LGR6: variants seen among roughly 807,000 people sequenced by gnomAD.
LGR6 encodes the protein leucine-rich repeat-containing G protein-coupled receptor 6.
LGR6 carries 45 observed loss-of-function variants against 69.4 expected under a neutral mutation model. That is an observed-to-expected ratio of 0.65 (90% confidence interval 0.51 to 0.83). The LOEUF (loss-of-function observed/expected upper bound fraction) is 0.83. LGR6 is among the 40% of genes least tolerant of loss of function. LGR6 has a pLI of 0.00. For missense variants in LGR6, 1,108 were observed against 1,246.7 expected, an observed-to-expected ratio of 0.89 and a Z score of 1.68; for synonymous variants, 538 against 555.0, an observed-to-expected ratio of 0.97 and a Z score of 0.43.
intron 4 of LGR6, among the ~76,000 whole-genome samples, chr1:202,261,231 C>A (rs1571915372): frequency 1.7e-5 from 2 of 117,224 alleles, no homozygotes; most frequent in Admixed American, 9.5e-5. Context: ...TAACTCTCCC[C>A]CCTCCCCCCA....
At chr1:202,267,953 G>T (rs1382877064) in intron 4 of LGR6, among the ~76,000 whole-genome samples, 2 of 152,172 alleles carry the variant, frequency 1.3e-5, no homozygotes, top group African/African-American at 2.4e-5. Flanking sequence ...GTGAGGGAGG[G>T]ATGTGGGGGC....
rs560808636 is a variant in LGR6, at chr1:202,239,072, T to A, written c.428+3079T>A. ...AAACAGGGGGCGTCTCGGTCTGACG[T>A]AACTGCTACGCGGTACCCGGATGGC... On this transcript the variant is annotated intron_variant, in intron 4 of 17. Transcript: ENST00000367278. Among the ~76,000 whole-genome samples, 354 of 152,256 alleles carry A rather than the reference T, an allele frequency of 2.3e-3. 3 individuals carry two copies. Among genetic ancestry groups the A allele is most frequent in the African/African-American group, 8.2e-3 (341 of 41,540 alleles).
rs149820561 is a variant in LGR6 at position 202,311,286 on chromosome 1, C to T, written c.1567+929C>T. On this transcript the variant is annotated intron_variant, in intron 16 of 17. Coordinates refer to ENST00000367278, the MANE Select transcript of LGR6 (RefSeq NM_001017403.2). ...CGTAGACAAAACTGAGGTCCAATCC[C>T]AACTACAACATTCACCAGTTGGATT... Among the ~76,000 whole-genome samples the T allele has an allele frequency of 8.9e-3, 1,361 of 152,322 alleles. 9 individuals are homozygous for T. Among genetic ancestry groups the T allele is most frequent in the Middle Eastern group, 0.044 (13 of 294 alleles).
chr1:202,273,684 G>A (rs1665303211), intron 4 of LGR6, among the ~76,000 whole-genome samples: 1 of 151,626 alleles, frequency 6.6e-6, no homozygotes, highest in Non-Finnish European at 1.5e-5. Context: ...CTCGAACTCC[G>A]ACATCAGGTG....
At chr1:202,258,872 C>A (rs1172177443) in intron 4 of LGR6, among the ~76,000 whole-genome samples, 1 of 151,916 alleles carries the variant, frequency 6.6e-6, no homozygotes, top group African/African-American at 2.4e-5. Context: ...TTATCTTGTT[C>A]TGGATTTTAA....
chr1:202,293,785 G>A (rs1237335150), intron 6 of LGR6, among the ~76,000 whole-genome samples: 2 of 152,172 alleles, frequency 1.3e-5, no homozygotes, highest in African/African-American at 4.8e-5. Context: ...CATTCTCTTT[G>A]ACCTTTGCAC....
intron 4 of LGR6, among the ~76,000 whole-genome samples, chr1:202,256,322 C>G (rs1663769768): frequency 6.6e-6 from 1 of 152,148 alleles, no homozygotes; most frequent in African/African-American, 2.4e-5. Flanking sequence ...TGGCTCACTG[C>G]AACCACTGTC....
chr1:202,219,696 C>T (rs1660019445), intron 1 of LGR6, among the ~76,000 whole-genome samples: 1 of 152,048 alleles, frequency 6.6e-6, no homozygotes, highest in Non-Finnish European at 1.5e-5. Context: ...TATTGAGCAC[C>T]CCATTTGCCA....
intron 7 of LGR6, among the ~76,000 whole-genome samples, chr1:202,298,071 TAAACAC>T (rs1463621404): frequency 1.3e-5 from 2 of 152,188 alleles, no homozygotes; most frequent in Non-Finnish European, 2.9e-5. Flanking sequence ...TGTTTAGTGA[TAAACAC>T]AAACAAAGGG....
intron 17 of LGR6, 115 bp from the exon 18 acceptor site, chr1:202,317,837 G>A (rs1654263057): frequency 9.3e-7 from 1 of 1,074,140 alleles, no homozygotes; most frequent in South Asian, 1.6e-5. Context: ...GAGGGCAAGG[G>A]CCATGTTCAT....
chr1:202,317,859 T>C, intron 17 of LGR6, 93 bp from the exon 18 acceptor site: 1 of 1,282,560 alleles, frequency 7.8e-7, no homozygotes, highest in Non-Finnish European at 1.1e-6. Context: ...TCCTTTTGAT[T>C]GGAAATTCTC....
intron 4 of LGR6, among the ~76,000 whole-genome samples, chr1:202,265,714 G>A (rs1354043738): frequency 6.6e-6 from 1 of 152,170 alleles, no homozygotes; most frequent in Non-Finnish European, 1.5e-5. Flanking sequence ...TGGTTAAGTG[G>A]GGTCCCTGTT....
Position 202,318,859 on chromosome 1 carries a change from C to T in LGR6, c.2556C>T (p.Ala852=). Residue 852 remains alanine, a synonymous_variant, in exon 18 of 18, where the codon GCC becomes GCT. Coordinates refer to ENST00000367278, the MANE Select transcript of LGR6 (RefSeq NM_001017403.2). ...RPRAGDSGPL[A]YAAAGELEKS... Reference sequence around the variant, plus strand: ...GCGCAGGGGACTCAGGGCCCCTAGCCTATGCTGCGGCCGGGGAGCTGGAGA... The same window carrying T: ...GCGCAGGGGACTCAGGGCCCCTAGCTTATGCTGCGGCCGGGGAGCTGGAGA... 1 of 1,613,742 alleles carries T rather than the reference C, an allele frequency of 6.2e-7. No individual in the cohort carries two copies. The highest frequency in any genetic ancestry group is 8.5e-7 in the Non-Finnish European group (1 of 1,179,860).
At chr1:202,220,363 C>T (rs1660066663) in intron 1 of LGR6, among the ~76,000 whole-genome samples, 1 of 151,888 alleles carries the variant, frequency 6.6e-6, no homozygotes, top group African/African-American at 2.4e-5. Flanking sequence ...GGATTACAGG[C>T]ACCTGTCACC....
At position 202,318,753 on chromosome 1, in the gene LGR6, C is replaced by CCCTG. The variant is rs1198406795; in HGVS notation, c.2462_2465dup (p.Asn823ProfsTer16). ...AAGTCTGTCCTGCTGGTGGTGCTGCCCCTGCCTGCCTGCCTCAACCCACTG... is the reference window on the plus strand; with the variant it reads ...AAGTCTGTCCTGCTGGTGGTGCTGCCCCTGCCTGCCTGCCTGCCTCAACCCACTG... On this transcript the variant is annotated frameshift_variant, in exon 18 of 18. Coordinates refer to ENST00000367278, the MANE Select transcript of LGR6 (RefSeq NM_001017403.2). LOFTEE classifies it low-confidence loss of function (END_TRUNC). 3.1e-6 allele frequency: 5 copies of CCCTG among 1,613,638 alleles called. No homozygotes were observed. In the South Asian group the frequency reaches 3.3e-5, roughly 11 times the overall value.
intron 1 of LGR6, among the ~76,000 whole-genome samples, chr1:202,209,626 G>A (rs1659385377): frequency 6.6e-6 from 1 of 152,194 alleles, no homozygotes; most frequent in Non-Finnish European, 1.5e-5. Context: ...TAAAAAAAGT[G>A]ATTTAAAACA....
chr1:202,196,656 C>A (rs1658651807), intron 1 of LGR6, among the ~76,000 whole-genome samples: 1 of 152,148 alleles, frequency 6.6e-6, no homozygotes, highest in African/African-American at 2.4e-5. Context: ...ATAATATGTT[C>A]AATGAAAGTC....
chr1:202,257,380 C>T (rs1029589509), intron 4 of LGR6, among the ~76,000 whole-genome samples: 4 of 152,042 alleles, frequency 2.6e-5, no homozygotes, highest in East Asian at 1.9e-4. Flanking sequence ...TTACCTAATC[C>T]GAGGTCAGAA....
intron 1 of LGR6, among the ~76,000 whole-genome samples, chr1:202,210,429 A>G (rs1286131359): frequency 4.9e-5 from 2 of 40,610 alleles, no homozygotes; most frequent in Non-Finnish European, 1.2e-4. Context: ...TACAGAGCAG[A>G]AAAAAAAAAA....
Sources: gnomAD v4.1 joint callset for allele counts (sites outside exome capture counted in the v4.1 genomes callset) on GRCh38, gnomAD v4.1.1 for gene constraint, MANE v1.5 for transcripts, NCBI Gene and HGNC (gene_info 2026-07-23, HGNC 2026-07-21) for gene names.